ETNK1: variants seen among roughly 807,000 people sequenced by gnomAD.
ETNK1 encodes putative protein product of Nbla10396.
A neutral mutation model predicts 45.1 loss-of-function variants in ETNK1; 8 were observed. That is an observed-to-expected ratio of 0.18 (90% CI 0.10 to 0.32). The LOEUF is 0.32. ETNK1 is among the 10% of genes least tolerant of loss of function. The pLI is 1.00. For missense variants in ETNK1, 302 were observed against 430.6 expected (o/e 0.70, Z 2.64); for synonymous variants, 152 against 151.9 (o/e 1.00, Z -0.01).
At chr12:22,644,704 T>A (rs1283934628) in intron 2 of ETNK1, 1 of 152,446 alleles carries the variant, frequency 6.6e-6, no homozygotes, top group Non-Finnish European at 1.5e-5. Flanking sequence ...TAAAACAAAT[T>A]TTTTAGAATA....
In ETNK1 at chr12:22,665,322, C is replaced by T. The variant is rs185503710; in HGVS notation, c.700+4117C>T. ...TTACAAAATAATTTTTATAGATAGG[C>T]TTAGAAATTTTATGTTTAACAGATT... On this transcript the variant is annotated intron_variant, in intron 4 of 7. Transcript: ENST00000266517. 2.4e-3 allele frequency among the ~76,000 whole-genome samples: 360 copies of T among 152,208 alleles called. 1 individual carries two copies. Among genetic ancestry groups the T allele is most frequent in the African/African-American group, 8.2e-3 (340 of 41,532 alleles).
intron 1 of ETNK1, among the ~76,000 whole-genome samples, chr12:22,640,955 G>A (rs1953728096): frequency 6.6e-6 from 1 of 152,120 alleles, no homozygotes; most frequent in Non-Finnish European, 1.5e-5. Flanking sequence ...ATTTAATATA[G>A]TATATATAGC....
intron 4 of ETNK1, among the ~76,000 whole-genome samples, chr12:22,668,259 C>G (rs1271792290): frequency 6.6e-6 from 1 of 152,076 alleles, no homozygotes; most frequent in Non-Finnish European, 1.5e-5. Flanking sequence ...GATGATCATG[C>G]TATATGAGCT....
chr12:22,642,154 G>A (rs1284250923), intron 1 of ETNK1, among the ~76,000 whole-genome samples: 1 of 152,054 alleles, frequency 6.6e-6, no homozygotes, highest in Admixed American at 6.6e-5. Context: ...TCTGGAGTTT[G>A]AGGAGCCTAG....
rs556992775 is a variant in ETNK1, at chr12:22,625,199, C to T, written c.-232C>T. On this transcript the variant is annotated 5_prime_UTR_variant, in exon 1 of 8. Transcript: ENST00000266517. ...GCCGCCCGCGGTCCAGCTCCGACAA[C>T]AGGAATTTTCTCCGAGAGCGGGCCG... 3 of 1,609,374 alleles carry T rather than the reference C, an allele frequency of 1.9e-6. No individual in the cohort carries two copies. In the African/African-American group the frequency reaches 4.0e-5, roughly 21 times the overall value.
chr12:22,654,495 G>C (rs1349878480), intron 2 of ETNK1, among the ~76,000 whole-genome samples: 3 of 152,166 alleles, frequency 2.0e-5, no homozygotes, highest in Non-Finnish European at 4.4e-5. Flanking sequence ...TAATCCACCT[G>C]ACAATAAACC....
At chr12:22,659,546 G>A (rs996643970) in intron 3 of ETNK1, among the ~76,000 whole-genome samples, 2 of 152,168 alleles carry the variant, frequency 1.3e-5, no homozygotes, top group Non-Finnish European at 2.9e-5. Flanking sequence ...TTAAATCTTA[G>A]TCCTGCTAGT....
intron 6 of ETNK1, chr12:22,682,141 GACACATCTC>G (rs1954220325): frequency 5.3e-6 from 1 of 188,718 alleles, no homozygotes; most frequent in Non-Finnish European, 1.1e-5. Flanking sequence ...TCCAAATGTT[GACACATCTC>G]ATTATAAGAT....
At chr12:22,626,809 A>C (rs1953506494) in intron 1 of ETNK1, among the ~76,000 whole-genome samples, 1 of 152,206 alleles carries the variant, frequency 6.6e-6, no homozygotes, top group Non-Finnish European at 1.5e-5. Flanking sequence ...GAATATAGGA[A>C]ATAGTGAATC....
intron 6 of ETNK1, among the ~76,000 whole-genome samples, chr12:22,678,902 T>G (rs1395079489): frequency 1.3e-5 from 2 of 152,306 alleles, no homozygotes; most frequent in East Asian, 1.9e-4. Flanking sequence ...CAAACTGTTA[T>G]GTTTATATGT....
intron 2 of ETNK1, 58 bp from the exon 3 acceptor site, chr12:22,658,956 G>T: frequency 6.5e-7 from 1 of 1,529,614 alleles, no homozygotes. Flanking sequence ...TCTTTGTCAG[G>T]AGACATGACC....
Position 22,632,724 on chromosome 12 carries a change from ACTC to A in ETNK1, c.156+7141_156+7143del, listed in dbSNP as rs1953596548. Among the ~76,000 whole-genome samples the A allele has an allele frequency of 2.0e-5, 3 of 151,504 alleles. No homozygotes were observed. In the East Asian group the frequency reaches 5.8e-4, roughly 29 times the overall value. On this transcript the variant is annotated intron_variant, in intron 1 of 7. Coordinates refer to ENST00000266517, the MANE Select transcript of ETNK1 (RefSeq NM_018638.5). ...TGCTGTGTTACCAGGCTGGTCTTAA[ACTC>A]CTGGCTTCAAGTGATCCTCTTGCCT...
chr12:22,643,110 A>G (rs906629459), intron 1 of ETNK1, among the ~76,000 whole-genome samples: 11 of 152,000 alleles, frequency 7.2e-5, no homozygotes, highest in Non-Finnish European at 1.0e-4. Context: ...TTAAATTATA[A>G]TAGTCAAAAC....
chr12:22,631,713 A>G (rs1439100659), intron 1 of ETNK1, among the ~76,000 whole-genome samples: 3 of 152,166 alleles, frequency 2.0e-5, no homozygotes, highest in African/African-American at 7.2e-5. Context: ...GGACTTGTCA[A>G]TTGATTACAG....
intron 1 of ETNK1, among the ~76,000 whole-genome samples, chr12:22,631,341 A>T (rs1027275531): frequency 2.6e-5 from 4 of 151,754 alleles, no homozygotes; most frequent in Non-Finnish European, 5.9e-5. Context: ...CGCCTGGCTA[A>T]TTTTTGTGTT....
chr12:22,648,848 G>A (rs983525404), intron 2 of ETNK1, among the ~76,000 whole-genome samples: 3 of 152,070 alleles, frequency 2.0e-5, no homozygotes, highest in Admixed American at 6.6e-5. Context: ...AGCAATGAAT[G>A]AGAGTTGCTG....
At chr12:22,652,622 T>A (rs534792824) in intron 2 of ETNK1, among the ~76,000 whole-genome samples, 78 of 152,330 alleles carry the variant, frequency 5.1e-4, no homozygotes, top group African/African-American at 1.8e-3. Context: ...ATATGCTTAT[T>A]GACCATTTGT....
intron 6 of ETNK1, among the ~76,000 whole-genome samples, chr12:22,676,670 A>G (rs1000174821): frequency 7.9e-5 from 12 of 151,664 alleles, no homozygotes; most frequent in African/African-American, 1.2e-4. Flanking sequence ...TCCGGCATCT[A>G]TTGTTTCCTG....
intron 2 of ETNK1, among the ~76,000 whole-genome samples, chr12:22,657,564 T>C (rs1471668903): frequency 1.3e-5 from 2 of 151,840 alleles, no homozygotes; most frequent in African/African-American, 4.8e-5. Context: ...AATCAGTAGG[T>C]TTCTCTAACC....
Sources: gnomAD v4.1 joint callset for allele counts (sites outside exome capture counted in the v4.1 genomes callset) on GRCh38, gnomAD v4.1.1 for gene constraint, MANE v1.5 for transcripts, NCBI Gene and HGNC (gene_info 2026-07-23, HGNC 2026-07-21) for gene names.